PRIMA1: variants seen among roughly 807,000 people sequenced by gnomAD.
PRIMA1 encodes the protein proline-rich membrane anchor 1.
In PRIMA1, 7 loss-of-function variants were observed where a neutral mutation model predicts 17.5. The observed-to-expected ratio is 0.40, with a 90% CI of 0.23 to 0.75. The LOEUF (loss-of-function observed/expected upper bound fraction) is 0.75, where lower values mean the gene tolerates loss of function less well. Among genes scored for constraint, PRIMA1 ranks in the 30% least tolerant of loss-of-function variants. The pLI is 0.37. For missense variants in PRIMA1, 200 were observed against 201.8 expected (o/e 0.99, Z 0.05); for synonymous variants, 97 against 77.9 (o/e 1.25, Z -1.29).
chr14:93,722,720 T>TGGGGGTGGTGATG, intron 4 of PRIMA1, among the ~76,000 whole-genome samples: 2 of 1,614 alleles, frequency 1.2e-3, no homozygotes, highest in South Asian at 0.023. Flanking sequence ...GTTAGCGTAA[T>TGGGGGTGGTGATG]GGTTGTGATG....
chr14:93,754,558 G>C (rs1307255425), intron 3 of PRIMA1, among the ~76,000 whole-genome samples: 1 of 152,218 alleles, frequency 6.6e-6, no homozygotes, highest in Non-Finnish European at 1.5e-5. Context: ...AGCAAGACCA[G>C]AGAGGGCAAA....
chr14:93,771,269 G>C (rs4347553), intron 3 of PRIMA1, among the ~76,000 whole-genome samples: 136,945 of 151,866 alleles, frequency 0.9, 62,437 homozygotes, highest in Non-Finnish European at 0.96. Context: ...TCAATATGAG[G>C]CAGCCCTGGT....
chr14:93,731,647 C>T lies in PRIMA1; in HGVS notation c.359+5594G>A, dbSNP rs558479616. Among the ~76,000 whole-genome samples, 12 of 152,284 alleles carry T rather than the reference C, an allele frequency of 7.9e-5. No individual in the cohort carries two copies. The Middle Eastern group carries it at 0.01, about 129-fold the overall frequency. On this transcript the variant is annotated intron_variant, in intron 4 of 4. Transcript: ENST00000393140. ...CCTTTCTCCTTCTCTTCCCCATTAA[C>T]CTGTATTTTTTTTCTCTTCATAGTC...
chr14:93,777,342 ATTCT>A (rs144342137), intron 3 of PRIMA1, among the ~76,000 whole-genome samples: 33,523 of 151,644 alleles, frequency 0.22, 4,694 homozygotes, highest in Non-Finnish European at 0.3. Flanking sequence ...AATCCCATTC[ATTCT>A]TTTTTTTTGA....
chr14:93,779,409 G>T (rs1408223279), intron 2 of PRIMA1, 98 bp from the exon 3 acceptor site: 3 of 1,046,742 alleles, frequency 2.9e-6, no homozygotes, highest in East Asian at 2.8e-5. Flanking sequence ...GCCAGGCTGG[G>T]ACTTGGGATT....
In PRIMA1 at chr14:93,721,479, T is replaced by G. The variant is rs772313126; in HGVS notation, c.427A>C (p.Asn143His). 22 of 1,613,960 alleles carry G rather than the reference T, an allele frequency of 1.4e-5. No homozygotes were observed. The highest frequency in any genetic ancestry group is 1.7e-5 in the Non-Finnish European group (20 of 1,179,882). The change falls in exon 5 of 5, where the codon AAC becomes CAC. Residue 143 changes from asparagine to histidine, a missense_variant. By Grantham distance (68) the Asn-to-His change is moderately conservative. Coordinates refer to ENST00000393140, the MANE Select transcript of PRIMA1 (RefSeq NM_178013.4). ...AEYPMSASQS[N>H]KGVDVNNAVV is the part of the protein sequence containing the mutation. ...GCGTTGTTCACGTCTACTCCTTTGT[T>G]GCTCTGCGAAGCACTCATGGGATAC...
chr14:93,741,872 T>C (rs1357134430), intron 3 of PRIMA1, among the ~76,000 whole-genome samples: 1 of 151,746 alleles, frequency 6.6e-6, no homozygotes, highest in Non-Finnish European at 1.5e-5. Flanking sequence ...AAGGCAGGAG[T>C]TGACATCTCA....
At chr14:93,751,485 T>C (rs2141172507) in intron 3 of PRIMA1, among the ~76,000 whole-genome samples, 1 of 152,330 alleles carries the variant, frequency 6.6e-6, no homozygotes, top group East Asian at 1.9e-4. Context: ...ACCCCAGACA[T>C]GAGGTTACCA....
rs892929524 is a variant in PRIMA1, at chr14:93,720,656, G to A, written c.*788C>T. 1 of 152,790 alleles carries A rather than the reference G, an allele frequency of 6.5e-6. No individual in the cohort carries two copies. Among genetic ancestry groups the A allele is most frequent in the Non-Finnish European group, 1.5e-5 (1 of 68,160 alleles). 9.5% of individuals were successfully genotyped at this position (152,790 alleles called of 1,614,324 possible). A position where few individuals can be genotyped will look rare whatever the true frequency, so the allele number is the denominator to read the frequency against. The stretch of plus-strand genomic sequence containing the variant: ...TTCCTATGGGGTCAAGTGTGGGGAT[G>A]AGTCTGAGGACAGGTGCAGTGGCCT... On this transcript the variant is annotated 3_prime_UTR_variant, in exon 5 of 5. Transcript: ENST00000393140.
At chr14:93,761,559 C>T (rs1263554929) in intron 3 of PRIMA1, among the ~76,000 whole-genome samples, 1 of 152,170 alleles carries the variant, frequency 6.6e-6, no homozygotes, top group Non-Finnish European at 1.5e-5. Context: ...GCCTGGAATG[C>T]TATTCCTCGT....
intron 3 of PRIMA1, among the ~76,000 whole-genome samples, chr14:93,777,727 C>A (rs555700713): frequency 6.6e-6 from 1 of 152,204 alleles, no homozygotes; most frequent in Non-Finnish European, 1.5e-5. Context: ...CCTGGCAAAC[C>A]ATTTCTGTGT....
At chr14:93,729,484 A>G (rs999217080) in intron 4 of PRIMA1, among the ~76,000 whole-genome samples, 1 of 152,230 alleles carries the variant, frequency 6.6e-6, no homozygotes, top group African/African-American at 2.4e-5. Flanking sequence ...GGAATGCACC[A>G]AGATGCATTC....
At chr14:93,754,377 T>C (rs2076278317) in intron 3 of PRIMA1, among the ~76,000 whole-genome samples, 1 of 148,582 alleles carries the variant, frequency 6.7e-6, no homozygotes, top group Non-Finnish European at 1.5e-5. Context: ...TACTAGATTT[T>C]TAGCAGCAGT....
chr14:93,781,795 T>G (rs1885382520), intron 2 of PRIMA1, among the ~76,000 whole-genome samples: 1 of 148,370 alleles, frequency 6.7e-6, no homozygotes, highest in Admixed American at 6.8e-5. Context: ...GCCAACGTGA[T>G]GAAACCCTGT....
At chr14:93,744,377 C>T (rs1031411570) in intron 3 of PRIMA1, among the ~76,000 whole-genome samples, 1 of 152,232 alleles carries the variant, frequency 6.6e-6, no homozygotes, top group African/African-American at 2.4e-5. Context: ...CCACTGCTCT[C>T]CATTCCTGGG....
At chr14:93,761,220 G>A (rs886593949) in intron 3 of PRIMA1, among the ~76,000 whole-genome samples, 6 of 152,234 alleles carry the variant, frequency 3.9e-5, no homozygotes, top group Non-Finnish European at 7.4e-5. Flanking sequence ...GCATGATGGC[G>A]CACACCTGTA....
In PRIMA1 at chr14:93,718,393, C is replaced by T. The variant is rs542015395; in HGVS notation, c.*3051G>A. On this transcript the variant is annotated 3_prime_UTR_variant, in exon 5 of 5. Transcript: ENST00000393140. ...CCCCCAGTGCTGCCGGTCTCGCTTC[C>T]GGTACAAAAGTCTCAGCAGGAAACC... The T allele has an allele frequency of 2.0e-5, 3 of 152,546 alleles. No homozygotes were observed. The highest frequency in any genetic ancestry group is 4.4e-5 in the Non-Finnish European group (3 of 68,032). 9.4% of individuals were successfully genotyped at this position (152,546 alleles called of 1,614,324 possible).
chr14:93,743,335 G>T (rs549494664), intron 3 of PRIMA1, among the ~76,000 whole-genome samples: 1 of 152,334 alleles, frequency 6.6e-6, no homozygotes, highest in African/African-American at 2.4e-5. Context: ...AGTCTTTGGG[G>T]ACTCAAGCCC....
Position 93,779,225 on chromosome 14 carries a change from C to A in PRIMA1, c.180G>T (p.Leu60=). 1.9e-6 allele frequency: 1 copy of A among 532,660 alleles called. No individual in the cohort carries two copies. The highest frequency in any genetic ancestry group is 2.5e-6 in the Non-Finnish European group (1 of 406,446). 33.0% of individuals were successfully genotyped at this position (532,660 alleles called of 1,614,324 possible). A position where few individuals can be genotyped will look rare whatever the true frequency, so the allele number is the denominator to read the frequency against. The change falls in exon 3 of 5, where the codon CTG becomes CTT. Residue 60 remains leucine (L), a synonymous_variant. Coordinates refer to ENST00000393140, the MANE Select transcript of PRIMA1 (RefSeq NM_178013.4). ...HVCQCRPPPP[L]PPPPPPPPPP... is the part of the protein sequence containing the mutation. ...GTGGCGGGGGTGGGGGCGGCGGGGGCAGCGGGGGAGGGGGCCGGCACTGGC... is the reference window on the plus strand; with the variant it reads ...GTGGCGGGGGTGGGGGCGGCGGGGGAAGCGGGGGAGGGGGCCGGCACTGGC...
Sources: gnomAD v4.1 joint callset for allele counts (sites outside exome capture counted in the v4.1 genomes callset) on GRCh38, gnomAD v4.1.1 for gene constraint, MANE v1.5 for transcripts, NCBI Gene and HGNC (gene_info 2026-07-23, HGNC 2026-07-21) for gene names.